ZNF516: variants seen among roughly 807,000 people sequenced by gnomAD.
ZNF516 encodes zinc finger protein 516.
Under a neutral mutation model 79.7 loss-of-function variants are expected in ZNF516, and 19 were observed. That is an observed-to-expected ratio of 0.24 (90% CI 0.17 to 0.35). The LOEUF (loss-of-function observed/expected upper bound fraction) is 0.35. Among genes scored for constraint, ZNF516 ranks in the 10% least tolerant of loss-of-function variants. The pLI, the probability that ZNF516 is intolerant of heterozygous loss-of-function variation, is 1.00. For synonymous variants in ZNF516, 877 were observed against 739.5 expected (o/e 1.19, Z -3.02); for missense variants, 1,678 against 1,679.5 (o/e 1.00, Z 0.02).
intron 1 of ZNF516, among the ~76,000 whole-genome samples, chr18:76,487,360 C>T (rs531990563): frequency 2.6e-5 from 4 of 152,160 alleles, no homozygotes; most frequent in Non-Finnish European, 4.4e-5. Flanking sequence ...AAATACACTT[C>T]GTACACTGTA....
At chr18:76,482,668 C>T (rs190244071) in intron 1 of ZNF516, among the ~76,000 whole-genome samples, 70 of 152,300 alleles carry the variant, frequency 4.6e-4, no homozygotes, top group African/African-American at 1.5e-3. Context: ...GGAAGGCAGC[C>T]CTGTCGTAAA....
intron 3 of ZNF516, among the ~76,000 whole-genome samples, chr18:76,423,251 A>G (rs2075531949): frequency 6.6e-6 from 1 of 152,252 alleles, no homozygotes. Context: ...GCACAGATCA[A>G]ATGCTAGGGT....
At chr18:76,435,434 T>C (rs2075719065) in intron 3 of ZNF516, among the ~76,000 whole-genome samples, 1 of 152,208 alleles carries the variant, frequency 6.6e-6, no homozygotes, top group Non-Finnish European at 1.5e-5. Context: ...ATTCTCCTCA[T>C]AATTTAATCT....
At chr18:76,422,425 AC>A (rs1229760645) in intron 3 of ZNF516, among the ~76,000 whole-genome samples, 1 of 152,242 alleles carries the variant, frequency 6.6e-6, no homozygotes, top group Non-Finnish European at 1.5e-5. Context: ...GACTGCCCTA[AC>A]TTTCCGGAAG....
intron 3 of ZNF516, among the ~76,000 whole-genome samples, chr18:76,383,091 C>G (rs2074921204): frequency 6.6e-6 from 1 of 150,650 alleles, no homozygotes; most frequent in Non-Finnish European, 1.5e-5. Context: ...ATCGATGTCA[C>G]CGGTCGAGAG....
chr18:76,455,830 G>A (rs994858572), intron 2 of ZNF516, among the ~76,000 whole-genome samples: 2 of 152,184 alleles, frequency 1.3e-5, no homozygotes, highest in African/African-American at 2.4e-5. Flanking sequence ...GAAAGAAAAT[G>A]AGCATGTGTG....
intron 3 of ZNF516, among the ~76,000 whole-genome samples, chr18:76,391,500 C>A (rs906808075): frequency 6.6e-5 from 10 of 152,074 alleles, no homozygotes; most frequent in Non-Finnish European, 8.8e-5. Flanking sequence ...CTACACCTAA[C>A]CCAACTCTAA....
In ZNF516 at chr18:76,362,125, A is replaced by G. The variant is rs2074547703; in HGVS notation, c.*373T>C. The G allele has an allele frequency of 5.3e-6, 1 of 187,034 alleles. No individual in the cohort carries two copies. The allele number at this position is 187,034 out of a possible 1,614,324, so 11.6% of individuals were successfully genotyped here. Reference sequence around the variant, plus strand: ...ACTCTGTCCAACACACACAACAAGTATCTTTTTTTCCAGTGTCTCAAACTT... The same window carrying G: ...ACTCTGTCCAACACACACAACAAGTGTCTTTTTTTCCAGTGTCTCAAACTT... On this transcript the variant is annotated 3_prime_UTR_variant, in exon 7 of 7. Coordinates refer to ENST00000443185, the MANE Select transcript of ZNF516 (RefSeq NM_014643.4).
rs1215414637 is a variant in ZNF516 at position 76,441,712 on chromosome 18, G to A, written c.1343C>T (p.Ala448Val). The A allele has an allele frequency of 6.4e-7, 1 of 1,572,534 alleles. No homozygotes were observed. The highest frequency in any genetic ancestry group is 8.6e-7 in the Non-Finnish European group (1 of 1,163,076). The change falls in exon 3 of 7, where the codon GCC becomes GTC. Residue 448 changes from alanine to valine, a missense_variant. Around this residue, in one of 5 missense-constraint regions of ZNF516, gnomAD observed 1,294 missense variants for 1,248.3 expected, o/e 1.04. Transcript: ENST00000443185. ...AWDEALAGDV[A>V]FDKDRREYVL... ...GTACTCGCGCCTGTCCTTGTCGAAG[G>A]CCACGTCCCCGGCCAGCGCCTCGTC...
rs746123627 is a variant in ZNF516, at chr18:76,442,087, T to C, written c.968A>G (p.Gln323Arg). The C allele has an allele frequency of 1.9e-6, 3 of 1,613,892 alleles. No individual in the cohort carries two copies. Among genetic ancestry groups the C allele is most frequent in the Non-Finnish European group, 2.5e-6 (3 of 1,179,902 alleles). ...DPIATINNVV[Q>R]EEVIVAGLSL... ...CAGGCCGGCGACGATCACCTCCTCC[T>C]GGACCACGTTGTTGATGGTGGCGAT... Residue 323 changes from glutamine to arginine, a missense_variant, in exon 3 of 7, where the codon CAG becomes CGG. Coordinates refer to ENST00000443185, the MANE Select transcript of ZNF516 (RefSeq NM_014643.4).
At chr18:76,492,353 G>A in intron 1 of ZNF516, 1 of 985,448 alleles carries the variant, frequency 1.0e-6, no homozygotes, top group South Asian at 4.7e-5. Context: ...CTGCAAGCGT[G>A]GGGTGGCCGG....
chr18:76,400,153 G>A lies in ZNF516; in HGVS notation c.1811-19850C>T, dbSNP rs560231608. ...TTCAGAGTGAGCAACTGGAAGGGGAGACAGATGGAGGGACAATTTCCCAAG... is the reference window on the plus strand; with the variant it reads ...TTCAGAGTGAGCAACTGGAAGGGGAAACAGATGGAGGGACAATTTCCCAAG... On this transcript the variant is annotated intron_variant, in intron 3 of 6. Coordinates refer to ENST00000443185, the MANE Select transcript of ZNF516 (RefSeq NM_014643.4). 1.1e-4 allele frequency among the ~76,000 whole-genome samples: 16 copies of A among 152,252 alleles called. No homozygotes were observed. In the South Asian group the frequency reaches 3.1e-3, roughly 30 times the overall value.
At chr18:76,439,264 C>G (rs1255892774) in intron 3 of ZNF516, among the ~76,000 whole-genome samples, 1 of 152,180 alleles carries the variant, frequency 6.6e-6, no homozygotes, top group East Asian at 1.9e-4. Context: ...CCATTAAAGG[C>G]AGCTGTTGTG....
In ZNF516 at chr18:76,371,509, G is replaced by A. The variant is rs758996736; in HGVS notation, c.3322C>T (p.His1108Tyr). ...TGGGCCCTGAGGTGGCCGGGCTGGT[G>A]GAAGCTCTTTCCGCACTCGATGCAG... ...FVCIECGKSF[H>Y]QPGHLRAHMR... The change falls in exon 5 of 7, where the codon CAC becomes TAC. Residue 1108 changes from histidine to tyrosine, a missense_variant. His to Tyr is a moderately conservative substitution (Grantham distance 83). Coordinates refer to ENST00000443185, the MANE Select transcript of ZNF516 (RefSeq NM_014643.4). 1.4e-5 allele frequency: 23 copies of A among 1,610,416 alleles called. No individual in the cohort carries two copies. Among genetic ancestry groups the A allele is most frequent in the Non-Finnish European group, 1.7e-5 (20 of 1,179,822 alleles).
chr18:76,421,498 T>A (rs944582784), intron 3 of ZNF516, among the ~76,000 whole-genome samples: 1 of 152,198 alleles, frequency 6.6e-6, no homozygotes, highest in Non-Finnish European at 1.5e-5. Flanking sequence ...TGAGCCCCCG[T>A]GAGTTCTGTG....
At chr18:76,494,141 CACAT>C (rs1354851102) in intron 1 of ZNF516, among the ~76,000 whole-genome samples, 4 of 152,204 alleles carry the variant, frequency 2.6e-5, no homozygotes, top group African/African-American at 4.8e-5. Context: ...CCTCACCACA[CACAT>C]AAACTGCTGC....
chr18:76,363,150 T>A (rs1021988733), intron 6 of ZNF516, among the ~76,000 whole-genome samples: 10 of 151,852 alleles, frequency 6.6e-5, no homozygotes, highest in African/African-American at 2.4e-4. Flanking sequence ...TAAATGGGGG[T>A]CCACAGCTTT....
chr18:76,478,942 G>C (rs1914333925), intron 1 of ZNF516, among the ~76,000 whole-genome samples: 1 of 152,064 alleles, frequency 6.6e-6, no homozygotes, highest in Non-Finnish European at 1.5e-5. Flanking sequence ...TGTAATCCCA[G>C]CTACTCGGGA....
chr18:76,483,742 T>TA (rs1429226050), intron 1 of ZNF516, among the ~76,000 whole-genome samples: 22 of 152,316 alleles, frequency 1.4e-4, no homozygotes, highest in Non-Finnish European at 2.6e-4. Context: ...TACTCTCTTA[T>TA]AAAAATATGT....
Sources: gnomAD v4.1 joint callset for allele counts (sites outside exome capture counted in the v4.1 genomes callset) on GRCh38, gnomAD v4.1.1 for gene constraint, gnomAD v4.1.1 regional missense constraint, MANE v1.5 for transcripts, NCBI Gene and HGNC (gene_info 2026-07-23, HGNC 2026-07-21) for gene names.